SCHIP1: variants seen among roughly 807,000 people sequenced by gnomAD.
SCHIP1 encodes schwannomin interacting protein 1.
SCHIP1 carries 8 observed loss-of-function variants against 29.7 expected under a neutral mutation model. That is an observed-to-expected ratio of 0.27 (90% CI 0.16 to 0.49). The LOEUF (loss-of-function observed/expected upper bound fraction) is 0.49, where lower values mean the gene tolerates loss of function less well. SCHIP1 is among the 20% of genes least tolerant of loss of function. SCHIP1 has a pLI of 0.99. For missense variants in SCHIP1, 193 were observed against 294.6 expected (o/e 0.66, Z 2.52); for synonymous variants, 76 against 94.9 (o/e 0.80, Z 1.16).
chr3:159,589,652 C>T, the SCHIP1 span, among the ~76,000 whole-genome samples: 8 of 152,244 alleles, frequency 5.3e-5, no homozygotes, highest in South Asian at 2.1e-4. Context: ...GTGTACTAAG[C>T]GTTCTGTTAA....
At chr3:159,309,856 G>A in the SCHIP1 span, among the ~76,000 whole-genome samples, 1 of 152,096 alleles carries the variant, frequency 6.6e-6, no homozygotes, top group Non-Finnish European at 1.5e-5. Flanking sequence ...GAAAATCATT[G>A]AGTGTTTAAT....
the SCHIP1 span, among the ~76,000 whole-genome samples, chr3:159,378,825 A>G: frequency 6.6e-6 from 1 of 152,242 alleles, no homozygotes; most frequent in Admixed American, 6.5e-5. Flanking sequence ...ATAATGCCCA[A>G]ACCTAAATCA....
At chr3:159,851,126 T>C (rs1712580954) in intron 1 of SCHIP1, among the ~76,000 whole-genome samples, 1 of 151,994 alleles carries the variant, frequency 6.6e-6, no homozygotes, top group African/African-American at 2.4e-5. Context: ...ATTTTTTAAA[T>C]TATCCAGGCA....
chr3:159,515,881 T>A, the SCHIP1 span, among the ~76,000 whole-genome samples: 1 of 152,190 alleles, frequency 6.6e-6, no homozygotes, highest in Non-Finnish European at 1.5e-5. Flanking sequence ...AAAGCTTGAA[T>A]GTTAGTGCAA....
the SCHIP1 span, among the ~76,000 whole-genome samples, chr3:159,743,022 T>G: frequency 6.6e-6 from 1 of 152,002 alleles, no homozygotes; most frequent in Non-Finnish European, 1.5e-5. Context: ...TGAATTCAAG[T>G]GCATTCCTCC....
the SCHIP1 span, among the ~76,000 whole-genome samples, chr3:159,603,984 G>A: frequency 3.3e-5 from 5 of 152,096 alleles, no homozygotes. Flanking sequence ...ATTAAGCCAT[G>A]AATCGATGAA....
At chr3:159,561,070 C>A in the SCHIP1 span, among the ~76,000 whole-genome samples, 1 of 152,118 alleles carries the variant, frequency 6.6e-6, no homozygotes, top group Non-Finnish European at 1.5e-5. Context: ...ACACCAGATT[C>A]AGTGTTTTTT....
the SCHIP1 span, among the ~76,000 whole-genome samples, chr3:159,561,535 C>T: frequency 6.6e-6 from 1 of 151,896 alleles, no homozygotes; most frequent in Non-Finnish European, 1.5e-5. Context: ...AAGATATGCT[C>T]CTAGAAAAAT....
the SCHIP1 span, among the ~76,000 whole-genome samples, chr3:159,613,998 A>T: frequency 6.6e-6 from 1 of 152,216 alleles, no homozygotes; most frequent in Admixed American, 6.5e-5. Context: ...TTCTAAGCGC[A>T]TACGTATTTA....
At chr3:159,397,573 C>A in the SCHIP1 span, among the ~76,000 whole-genome samples, 3 of 151,796 alleles carry the variant, frequency 2.0e-5, no homozygotes, top group South Asian at 4.1e-4. Context: ...TGTTGGAGTA[C>A]CCTGCTGTGT....
the SCHIP1 span, among the ~76,000 whole-genome samples, chr3:159,584,935 C>T: frequency 1.3e-5 from 2 of 152,020 alleles, no homozygotes; most frequent in African/African-American, 4.8e-5. Flanking sequence ...GACCTTTGCA[C>T]TAACACCTCC....
the SCHIP1 span, among the ~76,000 whole-genome samples, chr3:159,370,976 C>G: frequency 1.3e-5 from 2 of 152,118 alleles, no homozygotes; most frequent in Non-Finnish European, 2.9e-5. Flanking sequence ...TCACATGAAC[C>G]AATTCTCATA....
chr3:159,717,217 G>A, the SCHIP1 span, among the ~76,000 whole-genome samples: 1 of 152,156 alleles, frequency 6.6e-6, no homozygotes, highest in Admixed American at 6.5e-5. Context: ...GAATCTCTGG[G>A]ACACATTTAA....
chr3:159,890,472 A>T (rs1462483755), intron 5 of SCHIP1, among the ~76,000 whole-genome samples: 2 of 152,226 alleles, frequency 1.3e-5, no homozygotes, highest in Non-Finnish European at 2.9e-5. Context: ...CAAGATCCAA[A>T]TAAAAAAAAT....
chr3:159,718,734 G>A, the SCHIP1 span, among the ~76,000 whole-genome samples: 1 of 152,066 alleles, frequency 6.6e-6, no homozygotes, highest in Non-Finnish European at 1.5e-5. Context: ...AATAAAAGAG[G>A]ACACAAACAA....
At chr3:159,410,679 A>G in the SCHIP1 span, among the ~76,000 whole-genome samples, 1 of 152,138 alleles carries the variant, frequency 6.6e-6, no homozygotes, top group Non-Finnish European at 1.5e-5. Flanking sequence ...GTCGGTAGAA[A>G]TGTAAGTTAG....
the SCHIP1 span, among the ~76,000 whole-genome samples, chr3:159,509,274 G>A: frequency 6.6e-6 from 1 of 152,080 alleles, no homozygotes; most frequent in African/African-American, 2.4e-5. Flanking sequence ...CCTTTTATCA[G>A]AGACTAGGAT....
At chr3:159,535,205 G>T in the SCHIP1 span, among the ~76,000 whole-genome samples, 1 of 152,188 alleles carries the variant, frequency 6.6e-6, no homozygotes, top group African/African-American at 2.4e-5. Context: ...AAACACCCAT[G>T]ACAGTGTTTA....
At chr3:159,546,099 T>TA in the SCHIP1 span, among the ~76,000 whole-genome samples, 1,724 of 152,258 alleles carry the variant, frequency 0.011, 11 homozygotes, top group South Asian at 0.024. Context: ...GTAACCTTGA[T>TA]AAAATCACTT....
Sources: allele counts gnomAD v4.1 joint callset (sites outside exome capture counted in the v4.1 genomes callset), GRCh38; gene constraint gnomAD v4.1.1; transcripts MANE v1.5; gene names NCBI Gene and HGNC (gene_info 2026-07-23, HGNC 2026-07-21).